Variants in TMC3 observed in about 807,000 individuals in gnomAD.
TMC3 encodes the protein transmembrane channel like 3, also known as transmembrane channel-like protein 3.
A neutral mutation model predicts 110.6 loss-of-function variants in TMC3; 98 were observed. The ratio of observed to expected loss-of-function variants is 0.89; its 90% confidence interval spans 0.75 to 1.05. The LOEUF is 1.05. Ranked by LOEUF, TMC3 falls within the 50% of genes least tolerant of loss-of-function variation. TMC3 has a pLI of 0.00. For missense variants in TMC3, 1,319 were observed against 1,373.2 expected (o/e 0.96, Z 0.62); for synonymous variants, 489 against 513.1 (o/e 0.95, Z 0.63).
At chr15:81,360,921 CACTAATGGCAGCT>C (rs1894173975) in intron 4 of TMC3, among the ~76,000 whole-genome samples, 1 of 151,616 alleles carries the variant, frequency 6.6e-6, no homozygotes, top group South Asian at 2.1e-4. Context: ...CTGGGTACAG[CACTAATGGCAGCT>C]ACTACAGCCT....
intron 11 of TMC3, among the ~76,000 whole-genome samples, 194 bp from the exon 12 acceptor site, chr15:81,346,637 G>A (rs1406592855): frequency 2.0e-5 from 3 of 152,196 alleles, no homozygotes; most frequent in Admixed American, 2.0e-4. Context: ...TCTGGAAGGG[G>A]TCTGGAAATT....
chr15:81,355,397 T>C lies in TMC3; in HGVS notation c.935+328A>G, dbSNP rs574042925. Among the ~76,000 whole-genome samples, 3 of 152,332 alleles carry C rather than the reference T, an allele frequency of 2.0e-5. No individual in the cohort carries two copies. The East Asian group carries it at 5.8e-4, about 29-fold the overall frequency. On this transcript the variant is annotated intron_variant, in intron 9 of 21. Coordinates refer to ENST00000359440, the MANE Select transcript of TMC3 (RefSeq NM_001080532.3). The stretch of plus-strand genomic sequence containing the variant: ...CCAACTGGATAATATTTGTGTCTTA[T>C]GACTAGTTTCTAAATAAAACTAGTC...
At chr15:81,336,372 G>A (rs1337404214) in intron 20 of TMC3, among the ~76,000 whole-genome samples, 2 of 152,126 alleles carry the variant, frequency 1.3e-5, no homozygotes, top group African/African-American at 4.8e-5. Context: ...GGATCATGAG[G>A]TCAGGAGTTT....
chr15:81,360,191 GA>G (rs1478923789), intron 4 of TMC3, among the ~76,000 whole-genome samples: 2 of 151,746 alleles, frequency 1.3e-5, no homozygotes, highest in Non-Finnish European at 2.9e-5. Context: ...ACAAGGACAA[GA>G]AAAATTACCC....
chr15:81,332,479 C>T lies in TMC3; in HGVS notation c.3243G>A (p.Lys1081=), dbSNP rs778039668. Residue 1081 remains lysine, a synonymous_variant, in exon 22 of 22, where the codon AAG becomes AAA. Transcript: ENST00000359440. ...CGGTCAGCTCCTGCCCCGACTTGGC[C>T]TTCCTCCTGCTGGGCTGGCCCACGG... The part of the protein sequence containing the change: ...PRSVGQPSRR[K]AKSGQELTVD... 1 of 1,612,956 alleles carries T rather than the reference C, an allele frequency of 6.2e-7. No individual in the cohort carries two copies. Among genetic ancestry groups the T allele is most frequent in the South Asian group, 1.1e-5 (1 of 90,806 alleles).
chr15:81,337,782 C>G, intron 19 of TMC3, 64 bp downstream of exon 19: 1 of 1,397,860 alleles, frequency 7.2e-7, no homozygotes, highest in Non-Finnish European at 1.0e-6. Flanking sequence ...TATTCCCACG[C>G]TGGCGGGATC....
At chr15:81,343,163 C>G (rs927214134) in intron 15 of TMC3, 115 bp downstream of exon 15, 10 of 572,260 alleles carry the variant, frequency 1.7e-5, no homozygotes, top group Non-Finnish European at 2.9e-5. Flanking sequence ...TTGGAAACAT[C>G]CCTTCTTAAT....
At chr15:81,362,520 AG>A (rs1298325049) in intron 3 of TMC3, among the ~76,000 whole-genome samples, 6 of 152,156 alleles carry the variant, frequency 3.9e-5, no homozygotes, top group African/African-American at 1.4e-4. Context: ...GAATAATGCA[AG>A]CTGCAGCCCC....
chr15:81,344,690 G>T (rs1254260255), intron 13 of TMC3, 76 bp downstream of exon 13: 2 of 1,426,662 alleles, frequency 1.4e-6, no homozygotes, highest in African/African-American at 1.4e-5. Context: ...CATAGGGGCA[G>T]TGACAGCTCA....
chr15:81,335,061 G>A, intron 20 of TMC3, 86 bp from the exon 21 acceptor site: 1 of 1,475,248 alleles, frequency 6.8e-7, no homozygotes, highest in Non-Finnish European at 9.2e-7. Flanking sequence ...AGGGTTTTAT[G>A]ACATCCAAGA....
chr15:81,341,283 A>G, intron 16 of TMC3, 107 bp downstream of exon 16: 1 of 1,229,472 alleles, frequency 8.1e-7, no homozygotes, highest in Non-Finnish European at 1.1e-6. Flanking sequence ...TTTTGACAGG[A>G]AGAGAGTTGG....
chr15:81,364,940 G>A (rs1244294736), intron 3 of TMC3, among the ~76,000 whole-genome samples: 3 of 150,210 alleles, frequency 2.0e-5, no homozygotes, highest in African/African-American at 7.3e-5. Context: ...ATAAACCAGG[G>A]GCCTATATAT....
At chr15:81,371,768 G>C (rs1452783193) in intron 2 of TMC3, among the ~76,000 whole-genome samples, 1 of 152,192 alleles carries the variant, frequency 6.6e-6, no homozygotes, top group African/African-American at 2.4e-5. Flanking sequence ...CAACCTGAAT[G>C]CATGTTAAAA....
At chr15:81,358,374 C>T in intron 6 of TMC3, 28 bp downstream of exon 6, 1 of 1,607,228 alleles carries the variant, frequency 6.2e-7, no homozygotes, top group Non-Finnish European at 8.5e-7. Context: ...TCCCTCAAGA[C>T]AAGAGTGTGG....
intron 20 of TMC3, among the ~76,000 whole-genome samples, 184 bp from the exon 21 acceptor site, chr15:81,335,159 C>T (rs1893566224): frequency 6.6e-6 from 1 of 152,284 alleles, no homozygotes; most frequent in East Asian, 1.9e-4. Flanking sequence ...TTCATCCCTG[C>T]AAGTTGGAGC....
At position 81,332,691 on chromosome 15, in the gene TMC3, G is replaced by C; in HGVS notation, c.3031C>G (p.Pro1011Ala). Residue 1011 changes from proline to alanine, a missense_variant, in exon 22 of 22, where the codon CCC (proline) becomes GCC (alanine). Physicochemically the swap from Pro to Ala is conservative, Grantham distance 27 (BLOSUM62 -1). Transcript: ENST00000359440. ...AAATTCCGGGATCGTGGCTTTCTGG[G>C]CACATAGGCTGGCCTCTCAAGGTGA... ...EGHLERPAYV[P>A]RKPRSRNFQY... The C allele has an allele frequency of 6.2e-7, 1 of 1,613,942 alleles. No individual in the cohort carries two copies. Among genetic ancestry groups the C allele is most frequent in the Non-Finnish European group, 8.5e-7 (1 of 1,179,894 alleles).
chr15:81,358,850 G>A (rs1894123899), intron 5 of TMC3, among the ~76,000 whole-genome samples: 1 of 152,142 alleles, frequency 6.6e-6, no homozygotes, highest in African/African-American at 2.4e-5. Flanking sequence ...GTGCGGTTTT[G>A]TTACATGGAT....
intron 20 of TMC3, chr15:81,335,695 G>A (rs936211607): frequency 2.0e-5 from 3 of 152,514 alleles, no homozygotes; most frequent in Non-Finnish European, 4.4e-5. Flanking sequence ...GCCCTTCTGG[G>A]TCCCATTCTC....
At chr15:81,358,327 C>A in intron 6 of TMC3, 36 bp from the exon 7 acceptor site, 1 of 1,597,158 alleles carries the variant, frequency 6.3e-7, no homozygotes, top group East Asian at 2.2e-5. Flanking sequence ...TTCTGCTTCC[C>A]GTTCCCAGGT....
Sources: allele counts gnomAD v4.1 joint callset (sites outside exome capture counted in the v4.1 genomes callset), GRCh38; gene constraint gnomAD v4.1.1; transcripts MANE v1.5; gene names NCBI Gene and HGNC (gene_info 2026-07-23, HGNC 2026-07-21).